SCN11A: variants seen among roughly 807,000 people sequenced by gnomAD.
The protein encoded by SCN11A is sodium channel protein type 11 subunit alpha.
A neutral mutation model predicts 162.2 loss-of-function variants in SCN11A; 122 were observed. That is an observed-to-expected ratio of 0.75 (90% CI 0.65 to 0.87). The LOEUF (loss-of-function observed/expected upper bound fraction) is 0.87, where lower values mean the gene tolerates loss of function less well. Ranked by LOEUF, SCN11A falls within the 40% of genes least tolerant of loss-of-function variation. The pLI, the probability that SCN11A is intolerant of heterozygous loss-of-function variation, is 0.00. For missense variants in SCN11A, 2,015 were observed against 2,181.6 expected (o/e 0.92, Z 1.52); for synonymous variants, 758 against 751.5 (o/e 1.01, Z -0.14).
intron 7 of SCN11A, among the ~76,000 whole-genome samples, chr3:38,927,251 T>G (rs1013685941): frequency 2.0e-5 from 3 of 152,194 alleles, no homozygotes; most frequent in Admixed American, 6.5e-5. Flanking sequence ...ATTCTAGAGC[T>G]GTCACTCTGA....
intron 2 of SCN11A, among the ~76,000 whole-genome samples, chr3:38,970,753 A>G (rs1292992626): frequency 6.6e-6 from 1 of 152,174 alleles, no homozygotes; most frequent in East Asian, 1.9e-4. Context: ...AACACCCCGC[A>G]TGATGTTGCC....
intron 2 of SCN11A, among the ~76,000 whole-genome samples, chr3:38,991,448 C>T (rs1017652924): frequency 6.6e-6 from 1 of 152,156 alleles, no homozygotes; most frequent in South Asian, 2.1e-4. Flanking sequence ...TCTGAGCTCC[C>T]CAACCTTCCT....
In SCN11A at chr3:38,850,733, C is replaced by T. The variant is rs777323474; in HGVS notation, c.4075G>A (p.Val1359Met). 1.3e-5 allele frequency: 21 copies of T among 1,605,458 alleles called. No homozygotes were observed. In the Middle Eastern group the frequency reaches 6.6e-4, roughly 51 times the overall value. Residue 1359 changes from valine to methionine, a missense_variant, in exon 29 of 30, where the codon GTG becomes ATG. Physicochemically the swap from Val to Met is conservative, Grantham distance 21. Transcript: ENST00000302328. ...PRPLNKCQGL[V>M]FDIVTSQIFD... The stretch of plus-strand genomic sequence containing the variant: ...ATCTGGCTTGTGACTATGTCGAACA[C>T]GAGACCTTGACATTTGTTCTGAGAA...
rs558131564 is a variant in SCN11A, at chr3:39,041,526, C to A, written c.-403-9023G>T. On this transcript the variant is annotated intron_variant, in intron 1 of 29. Coordinates refer to ENST00000302328, the MANE Select transcript of SCN11A (RefSeq NM_001349253.2). ...AGCATTTTTCTCAGCAGAAACCTTA[C>A]AGGCCGGGAGAGAATGGGATGATAT... 6.1e-4 allele frequency among the ~76,000 whole-genome samples: 93 copies of A among 152,298 alleles called. 1 individual carries two copies. The Middle Eastern group carries it at 0.014, about 22-fold the overall frequency.
At chr3:38,853,490 T>C (rs1157184884) in intron 28 of SCN11A, among the ~76,000 whole-genome samples, 1 of 152,208 alleles carries the variant, frequency 6.6e-6, no homozygotes, top group African/African-American at 2.4e-5. Flanking sequence ...TCTCACTATA[T>C]AAAAGATAAA....
intron 27 of SCN11A, among the ~76,000 whole-genome samples, chr3:38,864,429 T>C (rs2065010980): frequency 6.6e-6 from 1 of 152,136 alleles, no homozygotes. Flanking sequence ...GTAGTGTGTG[T>C]ATGTGTGTTG....
intron 2 of SCN11A, among the ~76,000 whole-genome samples, chr3:39,026,521 C>A (rs1285882155): frequency 6.6e-6 from 1 of 152,124 alleles, no homozygotes; most frequent in African/African-American, 2.4e-5. Context: ...ATCCTGCAGA[C>A]CTCTGTCAAG....
intron 28 of SCN11A, among the ~76,000 whole-genome samples, chr3:38,859,815 C>T (rs1034267702): frequency 7.9e-5 from 12 of 152,102 alleles, no homozygotes; most frequent in Non-Finnish European, 1.0e-4. Flanking sequence ...CAAAATGACC[C>T]CTGCTCTTGC....
rs2066306708 is a variant in SCN11A, at chr3:38,934,960, T to C, written c.489-8029A>G. Among the ~76,000 whole-genome samples, 3 of 151,352 alleles carry C rather than the reference T, an allele frequency of 2.0e-5. No individual in the cohort carries two copies. The South Asian group carries it at 6.3e-4, about 32-fold the overall frequency. ...GCACCACACCACACCTATTCCAAAA[T>C]TGACCACATAGTTGGAAGTAAAGCT... On this transcript the variant is annotated intron_variant, in intron 7 of 29. Coordinates refer to ENST00000302328, the MANE Select transcript of SCN11A (RefSeq NM_001349253.2).
intron 2 of SCN11A, among the ~76,000 whole-genome samples, chr3:39,021,400 A>G (rs971809716): frequency 2.0e-5 from 3 of 152,172 alleles, no homozygotes; most frequent in Non-Finnish European, 2.9e-5. Flanking sequence ...TGGCCTCCCT[A>G]TTAATGATTT....
intron 3 of SCN11A, among the ~76,000 whole-genome samples, chr3:38,955,326 C>A (rs1187883647): frequency 6.6e-6 from 1 of 151,984 alleles, no homozygotes; most frequent in African/African-American, 2.4e-5. Flanking sequence ...CAAAAATTGA[C>A]CCAGGAAAAG....
chr3:38,902,803 C>A (rs2065724241), intron 16 of SCN11A, among the ~76,000 whole-genome samples: 1 of 151,392 alleles, frequency 6.6e-6, no homozygotes, highest in Admixed American at 6.6e-5. Flanking sequence ...AGGCGTGAGC[C>A]ACTGTGCTCG....
intron 28 of SCN11A, among the ~76,000 whole-genome samples, chr3:38,856,075 T>C (rs1423256744): frequency 6.6e-6 from 1 of 152,106 alleles, no homozygotes; most frequent in Admixed American, 6.5e-5. Context: ...AGGTCTTGAG[T>C]TCCAGATCTT....
rs751227571 is a variant in SCN11A, at chr3:38,926,800, T to C, written c.617+3A>G. 1.2e-5 allele frequency: 19 copies of C among 1,612,860 alleles called. 1 individual carries two copies. In the South Asian group the frequency reaches 2.1e-4, roughly 18 times the overall value. ...TCTTCAAAAACATCTTTAATATTCT[T>C]ACGCTATTCCAATGACAATGGAGTC... is the stretch of plus-strand genomic sequence containing the variant. On this transcript the variant is annotated splice_donor_region_variant and intron_variant, in intron 8 of 29. Transcript: ENST00000302328.
rs1479351844 is a variant in SCN11A, at chr3:38,855,353, A to C, written c.4057-4602T>G. On this transcript the variant is annotated intron_variant, in intron 28 of 29. Coordinates refer to ENST00000302328, the MANE Select transcript of SCN11A (RefSeq NM_001349253.2). ...TGAGGACCACTTCCTCATCCCCCAC[A>C]GTGGTTATGGCAAGCCCCACTCAAG... Among the ~76,000 whole-genome samples, 5 of 152,252 alleles carry C rather than the reference A, an allele frequency of 3.3e-5. No homozygotes were observed. The East Asian group carries it at 9.7e-4, about 29-fold the overall frequency.
In SCN11A at chr3:38,882,332, C is replaced by T. The variant is rs115895954; in HGVS notation, c.3219+901G>A. Reference sequence around the variant, plus strand: ...TGTCTTTTTCCACTTGCTAGTGATTCACTGTGAAATGTTCTGTCACTCTTA... The same window carrying T: ...TGTCTTTTTCCACTTGCTAGTGATTTACTGTGAAATGTTCTGTCACTCTTA... On this transcript the variant is annotated intron_variant, in intron 22 of 29. Transcript: ENST00000302328. Among the ~76,000 whole-genome samples the T allele has an allele frequency of 3.7e-3, 560 of 152,184 alleles. 8 individuals are homozygous for T. Among genetic ancestry groups the T allele is most frequent in the African/African-American group, 0.013 (536 of 41,502 alleles).
chr3:39,001,878 A>G (rs79950034), intron 2 of SCN11A, among the ~76,000 whole-genome samples: 4 of 152,118 alleles, frequency 2.6e-5, no homozygotes, highest in African/African-American at 9.7e-5. Flanking sequence ...ACTAAAAAAA[A>G]TACAAAAAAT....
intron 19 of SCN11A, among the ~76,000 whole-genome samples, chr3:38,891,970 A>G (rs2065507780): frequency 6.6e-6 from 1 of 152,222 alleles, no homozygotes; most frequent in Non-Finnish European, 1.5e-5. Flanking sequence ...AGAGATCCAC[A>G]CCTAGACATA....
chr3:38,950,517 C>T (rs2066596915), intron 4 of SCN11A, 148 bp from the exon 5 acceptor site: 1 of 742,210 alleles, frequency 1.3e-6, no homozygotes, highest in East Asian at 2.6e-5. Flanking sequence ...AGCTGATTGG[C>T]TGTGAAGATC....
Sources: gnomAD v4.1 joint callset for allele counts (sites outside exome capture counted in the v4.1 genomes callset) on GRCh38, gnomAD v4.1.1 for gene constraint, MANE v1.5 for transcripts, NCBI Gene and HGNC (gene_info 2026-07-23, HGNC 2026-07-21) for gene names.